RAD52: variants seen among roughly 807,000 people sequenced by gnomAD.
The protein encoded by RAD52 is DNA repair protein RAD52 homolog.
A neutral mutation model predicts 55.5 loss-of-function variants in RAD52; 47 were observed. That is an observed-to-expected ratio of 0.85 (90% CI 0.67 to 1.08). The LOEUF (loss-of-function observed/expected upper bound fraction) is 1.08, where lower values mean the gene tolerates loss of function less well. RAD52 is among the 50% of genes least tolerant of loss of function. RAD52 has a pLI of 0.00. For synonymous variants in RAD52, 184 were observed against 198.9 expected (o/e 0.92, Z 0.63); for missense variants, 468 against 522.8 (o/e 0.90, Z 1.02).
intron 1 of RAD52, among the ~76,000 whole-genome samples, chr12:981,904 G>A (rs1456516754): frequency 4.6e-5 from 7 of 152,150 alleles, no homozygotes; most frequent in Non-Finnish European, 1.0e-4. Context: ...TAGCAGGCTT[G>A]CCTTCTAGGG....
At chr12:923,911 C>G (rs1035881094) in intron 7 of RAD52, among the ~76,000 whole-genome samples, 5 of 150,892 alleles carry the variant, frequency 3.3e-5, no homozygotes, top group African/African-American at 9.7e-5. Flanking sequence ...AAAAAATTAG[C>G]TGGGCATGGT....
chr12:914,061 A>G lies in RAD52; in HGVS notation c.1028T>C (p.Val343Ala). The change falls in exon 11 of 12, where the codon GTC becomes GCC. Residue 343 changes from valine (V) to alanine (A), a missense_variant. By Grantham distance (64) the Val-to-Ala change is moderately conservative. Transcript: ENST00000358495. ...AVTPDAGDGV[V>A]KPSSRADPAQ... ...TGGGTCTGCTCTAGACGAGGGCTTG[A>G]CCACACCATCCCCTGCATCGGGAGT... The G allele has an allele frequency of 6.2e-7, 1 of 1,614,090 alleles. No individual in the cohort carries two copies. Among genetic ancestry groups the G allele is most frequent in the African/African-American group, 1.3e-5 (1 of 74,988 alleles).
intron 1 of RAD52, among the ~76,000 whole-genome samples, chr12:947,540 C>T (rs1414770842): frequency 2.1e-5 from 3 of 142,496 alleles, no homozygotes; most frequent in Non-Finnish European, 3.0e-5. Flanking sequence ...GCCCAGTTAC[C>T]GAGGAGGCTG....
intron 1 of RAD52, among the ~76,000 whole-genome samples, chr12:959,326 A>C (rs1958653101): frequency 6.6e-6 from 1 of 152,210 alleles, no homozygotes; most frequent in South Asian, 2.1e-4. Context: ...TAAATCTATA[A>C]TTTTATTCAC....
intron 6 of RAD52, chr12:926,883 CAT>C (rs1957065518): frequency 6.5e-7 from 1 of 1,536,500 alleles, no homozygotes; most frequent in Non-Finnish European, 8.7e-7. Flanking sequence ...CTCCGGCACA[CAT>C]GACTGAGTGC....
intron 1 of RAD52, among the ~76,000 whole-genome samples, chr12:987,035 A>G (rs1471078061): frequency 6.6e-6 from 1 of 152,086 alleles, no homozygotes; most frequent in African/African-American, 2.4e-5. Context: ...CAATGGCACA[A>G]TCTCGGCTGA....
At chr12:932,495 G>A (rs1256968100) in intron 2 of RAD52, among the ~76,000 whole-genome samples, 5 of 146,268 alleles carry the variant, frequency 3.4e-5, no homozygotes, top group Non-Finnish European at 4.5e-5. Flanking sequence ...ACTCAGTCTC[G>A]AAAAAAAAAA....
intron 5 of RAD52, among the ~76,000 whole-genome samples, chr12:928,339 G>A (rs892177442): frequency 1.1e-4 from 16 of 152,018 alleles, no homozygotes; most frequent in African/African-American, 2.2e-4. Flanking sequence ...TGGAGAAACC[G>A]CGTCTCTACT....
At chr12:967,085 T>C (rs1958780599) in intron 1 of RAD52, among the ~76,000 whole-genome samples, 1 of 151,946 alleles carries the variant, frequency 6.6e-6, no homozygotes, top group Non-Finnish European at 1.5e-5. Context: ...ATAATACACA[T>C]AAAGAAATGT....
At chr12:958,207 T>C (rs1958635979) in intron 1 of RAD52, among the ~76,000 whole-genome samples, 1 of 151,672 alleles carries the variant, frequency 6.6e-6, no homozygotes, top group Non-Finnish European at 1.5e-5. Context: ...GAAAGCTGTA[T>C]TGCCTTCTAT....
intron 7 of RAD52, among the ~76,000 whole-genome samples, chr12:920,787 A>C (rs983979876): frequency 6.6e-6 from 1 of 152,232 alleles, no homozygotes. Flanking sequence ...ACAATACTAT[A>C]GGCCAACTGG....
At chr12:954,864 T>C (rs1592466328) in intron 1 of RAD52, among the ~76,000 whole-genome samples, 1 of 152,322 alleles carries the variant, frequency 6.6e-6, no homozygotes, top group Middle Eastern at 3.4e-3. Context: ...GGGACATATC[T>C]AAAGCATTCC....
At chr12:929,969 C>T (rs1235600255) in intron 4 of RAD52, 82 bp downstream of exon 4, 7 of 1,570,326 alleles carry the variant, frequency 4.5e-6, no homozygotes, top group Non-Finnish European at 5.3e-6. Context: ...CTGAGTCCAC[C>T]TACCTTACCT....
At chr12:961,634 G>A (rs1958687424) in intron 1 of RAD52, among the ~76,000 whole-genome samples, 1 of 152,066 alleles carries the variant, frequency 6.6e-6, no homozygotes, top group African/African-American at 2.4e-5. Context: ...GCTGAGGTGG[G>A]TAGATTACTT....
At chr12:927,605 G>GC (rs1957109675) in intron 5 of RAD52, among the ~76,000 whole-genome samples, 1 of 152,038 alleles carries the variant, frequency 6.6e-6, no homozygotes, top group Non-Finnish European at 1.5e-5. Flanking sequence ...GGTGGCTCAC[G>GC]CTGTAATCCC....
Position 921,874 on chromosome 12 carries a change from G to GGCC in RAD52, c.543+3575_543+3576insGGC, listed in dbSNP as rs544590230. Among the ~76,000 whole-genome samples, 48 of 152,194 alleles carry GGCC rather than the reference G, an allele frequency of 3.2e-4. 1 individual carries two copies. Among genetic ancestry groups the GGCC allele is most frequent in the African/African-American group, 1.1e-3 (45 of 41,544 alleles). On this transcript the variant is annotated intron_variant, in intron 7 of 11. Transcript: ENST00000358495. ...TAATCCCATCACTTTGGGAGGCCAA[G>GGCC]GCGGGCGGATCACCTGAGGTCAGGA...
intron 1 of RAD52, among the ~76,000 whole-genome samples, chr12:935,093 T>C (rs1957542191): frequency 6.6e-6 from 1 of 152,106 alleles, no homozygotes; most frequent in African/African-American, 2.4e-5. Flanking sequence ...CCAGCCTGGG[T>C]GACAGAACAA....
intron 7 of RAD52, among the ~76,000 whole-genome samples, chr12:918,458 G>A (rs1198241758): frequency 1.3e-5 from 2 of 152,124 alleles, no homozygotes; most frequent in Admixed American, 6.5e-5. Flanking sequence ...GTGCAGTGGC[G>A]TAATCACAGC....
chr12:948,349 AGTG>A (rs1435162089), intron 1 of RAD52, among the ~76,000 whole-genome samples: 2 of 152,328 alleles, frequency 1.3e-5, no homozygotes, highest in East Asian at 1.9e-4. Flanking sequence ...ATTAGATAAT[AGTG>A]GTGATTGCAC....
Sources: allele counts gnomAD v4.1 joint callset (sites outside exome capture counted in the v4.1 genomes callset), GRCh38; gene constraint gnomAD v4.1.1; transcripts MANE v1.5; gene names NCBI Gene and HGNC (gene_info 2026-07-23, HGNC 2026-07-21).